PARD3B: variants seen among roughly 807,000 people sequenced by gnomAD.
PARD3B encodes the protein partitioning defective 3 homolog B.
In PARD3B, 103 loss-of-function variants were observed where a neutral mutation model predicts 130.2. The observed-to-expected ratio is 0.79, with a 90% CI of 0.67 to 0.93. The LOEUF (loss-of-function observed/expected upper bound fraction) is 0.93, where lower values mean the gene tolerates loss of function less well. Among genes scored for constraint, PARD3B ranks in the 40% least tolerant of loss-of-function variants. PARD3B has a pLI of 0.00. For synonymous variants in PARD3B, 583 were observed against 553.2 expected (o/e 1.05, Z -0.76); for missense variants, 1,609 against 1,499.2 (o/e 1.07, Z -1.21).
At chr2:205,277,317 C>T (rs1331262562) in intron 16 of PARD3B, among the ~76,000 whole-genome samples, 1 of 152,192 alleles carries the variant, frequency 6.6e-6, no homozygotes, top group African/African-American at 2.4e-5. Flanking sequence ...GATATTTAAC[C>T]TCTCTGTTCC....
At position 205,269,899 on chromosome 2, in the gene PARD3B, T is replaced by G. The variant is rs942462339; in HGVS notation, c.2185+24077T>G. The stretch of plus-strand genomic sequence containing the variant: ...AATTCACCAATATCAGTATAACATG[T>G]AATTTTTTCCCTAGAATACAGCAAA... On this transcript the variant is annotated intron_variant, in intron 16 of 22. Coordinates refer to ENST00000406610, the MANE Select transcript of PARD3B (RefSeq NM_001302769.2). The surrounding 1 kb of genome is among the most constrained non-coding windows in gnomAD (Gnocchi z 4.7). 6.6e-6 allele frequency among the ~76,000 whole-genome samples: 1 copy of G among 152,196 alleles called. No homozygotes were observed. Among genetic ancestry groups the G allele is most frequent in the South Asian group, 2.1e-4 (1 of 4,834 alleles).
chr2:205,604,855 G>A (rs2054926376), intron 22 of PARD3B, among the ~76,000 whole-genome samples: 2 of 152,168 alleles, frequency 1.3e-5, no homozygotes, highest in African/African-American at 2.4e-5. Flanking sequence ...ATTAGTCATA[G>A]GTTCAGTCTT....
At chr2:205,336,512 T>C (rs1373724797) in intron 18 of PARD3B, among the ~76,000 whole-genome samples, 3 of 152,224 alleles carry the variant, frequency 2.0e-5, no homozygotes, top group African/African-American at 7.2e-5. Context: ...AGGTAATAAC[T>C]TGTTGCACAG....
rs1491587469 is a variant in PARD3B at position 205,021,622 on chromosome 2, C to CT, written c.395-25958dup. On this transcript the variant is annotated intron_variant, in intron 3 of 22. Transcript: ENST00000406610. This position sits in a 1 kb window ranked among gnomAD's most constrained non-coding sequence, Gnocchi z 4.5. ...TCTCTCTCTCTCTCTCTCTCTCTCC[C>CT]TCTCTCTTTCTCTCTCTCTCTCTCT... 2.2e-4 allele frequency among the ~76,000 whole-genome samples: 28 copies of CT among 125,702 alleles called. No homozygotes were observed. The highest frequency in any genetic ancestry group is 8.3e-4 in the African/African-American group (28 of 33,594). 82.5% of individuals were successfully genotyped at this position (125,702 alleles called of 152,430 possible).
intron 2 of PARD3B, among the ~76,000 whole-genome samples, chr2:204,909,460 T>G (rs2047154205): frequency 6.6e-6 from 1 of 152,182 alleles, no homozygotes; most frequent in African/African-American, 2.4e-5. Flanking sequence ...TGTGCATTAA[T>G]TTTGGAAGAT....
chr2:205,136,633 C>A (rs1009638335), intron 10 of PARD3B, among the ~76,000 whole-genome samples: 2 of 152,128 alleles, frequency 1.3e-5, no homozygotes, highest in Non-Finnish European at 2.9e-5. Context: ...CATCTTTAGA[C>A]CCTTGACTTC....
intron 1 of PARD3B, among the ~76,000 whole-genome samples, chr2:204,597,253 T>C (rs900283889): frequency 6.6e-6 from 1 of 151,132 alleles, no homozygotes; most frequent in Non-Finnish European, 1.5e-5. Context: ...CAGGAGCCGA[T>C]GCGTGTTTTT....
At chr2:205,270,788 G>A (rs2040694020) in intron 16 of PARD3B, among the ~76,000 whole-genome samples, 1 of 151,972 alleles carries the variant, frequency 6.6e-6, no homozygotes, top group South Asian at 2.1e-4. Flanking sequence ...AAACAGGAAG[G>A]GATAAAGGGA....
intron 18 of PARD3B, among the ~76,000 whole-genome samples, chr2:205,350,942 T>A (rs945481980): frequency 1.3e-5 from 2 of 152,338 alleles, no homozygotes; most frequent in South Asian, 4.1e-4. Flanking sequence ...GTTCAAGTTA[T>A]GCTAAAAACT....
At position 205,128,125 on chromosome 2, in the gene PARD3B, A is replaced by G. The variant is rs2031640627; in HGVS notation, c.1434+2388A>G. Among the ~76,000 whole-genome samples the G allele has an allele frequency of 6.6e-6, 1 of 152,254 alleles. No homozygotes were observed. Among genetic ancestry groups the G allele is most frequent in the Non-Finnish European group, 1.5e-5 (1 of 68,038 alleles). On this transcript the variant is annotated intron_variant, in intron 10 of 22. Transcript: ENST00000406610. The surrounding 1 kb of genome is among the most constrained non-coding windows in gnomAD (Gnocchi z 4.5). ...TTCTGAGATAGGAGAGCAAAGAAAT[A>G]AGTTTTGACTGTGTATTCCATTGAA...
chr2:205,086,588 A>G (rs911254675), intron 4 of PARD3B, among the ~76,000 whole-genome samples: 4 of 152,110 alleles, frequency 2.6e-5, no homozygotes, highest in Non-Finnish European at 5.9e-5. Context: ...TATTTTTGTT[A>G]TGGTTTTAAA....
intron 18 of PARD3B, among the ~76,000 whole-genome samples, chr2:205,335,225 G>T (rs1347360117): frequency 6.6e-6 from 1 of 152,146 alleles, no homozygotes; most frequent in Non-Finnish European, 1.5e-5. Flanking sequence ...CACTAAATAA[G>T]TCAATTCCAA....
intron 16 of PARD3B, among the ~76,000 whole-genome samples, chr2:205,256,746 G>A (rs565386035): frequency 1.3e-5 from 2 of 152,228 alleles, no homozygotes; most frequent in South Asian, 4.2e-4. Context: ...ATTATGGGCA[G>A]AAGAACCACA....
chr2:204,712,315 T>C (rs763116133), intron 2 of PARD3B, among the ~76,000 whole-genome samples: 13 of 152,136 alleles, frequency 8.5e-5, no homozygotes, highest in Admixed American at 3.3e-4. Flanking sequence ...CATTCTGACA[T>C]TGTTAAAATT....
chr2:205,581,423 A>T (rs1439091110), intron 22 of PARD3B, among the ~76,000 whole-genome samples: 2 of 143,474 alleles, frequency 1.4e-5, no homozygotes, highest in Non-Finnish European at 3.0e-5. Context: ...ATATAAATAT[A>T]TAAATATATA....
intron 1 of PARD3B, among the ~76,000 whole-genome samples, chr2:204,642,981 G>A (rs1206478375): frequency 1.3e-5 from 2 of 151,242 alleles, no homozygotes; most frequent in Admixed American, 6.6e-5. Context: ...AGGCGTGGTG[G>A]CAGGTGCCTG....
At chr2:204,952,948 G>A (rs1428213253) in intron 2 of PARD3B, among the ~76,000 whole-genome samples, 1 of 147,728 alleles carries the variant, frequency 6.8e-6, no homozygotes, top group Non-Finnish European at 1.5e-5. Flanking sequence ...AGTGAGCTGA[G>A]ATCTTGCTAC....
In PARD3B at chr2:205,274,646, C is replaced by G. The variant is rs1309923851; in HGVS notation, c.2186-25884C>G. ...TACTTTCTATCTGAATATTATCTATCTGAATATTAATATCAATTATCTACC... is the reference window on the plus strand; with the variant it reads ...TACTTTCTATCTGAATATTATCTATGTGAATATTAATATCAATTATCTACC... On this transcript the variant is annotated intron_variant, in intron 16 of 22. Transcript: ENST00000406610. This position sits in a 1 kb window ranked among gnomAD's most constrained non-coding sequence, Gnocchi z 4.2. Among the ~76,000 whole-genome samples the G allele has an allele frequency of 1.3e-5, 2 of 151,814 alleles. No individual in the cohort carries two copies. The highest frequency in any genetic ancestry group is 2.9e-5 in the Non-Finnish European group (2 of 67,962).
chr2:205,098,914 G>T (rs922445953), intron 4 of PARD3B, among the ~76,000 whole-genome samples: 1 of 152,176 alleles, frequency 6.6e-6, no homozygotes, highest in African/African-American at 2.4e-5. Context: ...TGTCAGAAAT[G>T]CTCCCTTGAT....
Sources: allele counts gnomAD v4.1 joint callset (sites outside exome capture counted in the v4.1 genomes callset), GRCh38; gene constraint gnomAD v4.1.1; non-coding constraint Gnocchi (gnomAD v3.1); transcripts MANE v1.5; gene names NCBI Gene and HGNC (gene_info 2026-07-23, HGNC 2026-07-21).